The following SOX5 variants were observed in gnomAD, a reference collection of about 807,000 sequenced individuals.
SOX5 encodes SRY-box transcription factor 5.
SOX5 carries 9 observed loss-of-function variants against 92.0 expected under a neutral mutation model. That is an observed-to-expected ratio of 0.10 (90% CI 0.06 to 0.17). SOX5 has a LOEUF of 0.17. Among genes scored for constraint, SOX5 ranks in the 10% least tolerant of loss-of-function variants. The pLI is 1.00. For synonymous variants in SOX5, 344 were observed against 336.3 expected, an observed-to-expected ratio of 1.02 and a Z score of -0.25; for missense variants, 642 against 944.5, an observed-to-expected ratio of 0.68 and a Z score of 4.20.
At chr12:24,552,962 G>A (rs1233325367) in intron 1 of SOX5, among the ~76,000 whole-genome samples, 1 of 152,210 alleles carries the variant, frequency 6.6e-6, no homozygotes, top group East Asian at 1.9e-4. Context: ...AGCTCGGGCA[G>A]TTGAGGCTGC....
intron 1 of SOX5, among the ~76,000 whole-genome samples, chr12:24,451,598 A>T (rs1942316134): frequency 6.6e-6 from 1 of 152,206 alleles, no homozygotes; most frequent in Non-Finnish European, 1.5e-5. Flanking sequence ...ATGAATATCT[A>T]ATATTAACTC....
At chr12:24,131,651 G>A (rs984398682) in intron 4 of SOX5, among the ~76,000 whole-genome samples, 8 of 152,150 alleles carry the variant, frequency 5.3e-5, no homozygotes, top group African/African-American at 1.9e-4. Flanking sequence ...CAACAGAAGT[G>A]AATATCAGGT....
chr12:24,408,945 A>T (rs1473136194), intron 1 of SOX5, among the ~76,000 whole-genome samples: 2 of 152,218 alleles, frequency 1.3e-5, no homozygotes, highest in Non-Finnish European at 2.9e-5. Context: ...AGAACCGGAA[A>T]TATCATTTGA....
At chr12:23,653,108 G>T (rs568968510) in intron 7 of SOX5, among the ~76,000 whole-genome samples, 2 of 151,512 alleles carry the variant, frequency 1.3e-5, no homozygotes, top group South Asian at 4.2e-4. Context: ...TCAATCCTAG[G>T]CTTCAGACCT....
intron 2 of SOX5, among the ~76,000 whole-genome samples, chr12:23,885,729 A>T (rs1461555436): frequency 3.9e-5 from 6 of 152,158 alleles, no homozygotes; most frequent in Admixed American, 3.9e-4. Context: ...CACAAAGGAG[A>T]TATGTAACCA....
At chr12:24,498,236 A>G (rs1310911215) in intron 1 of SOX5, among the ~76,000 whole-genome samples, 1 of 152,116 alleles carries the variant, frequency 6.6e-6, no homozygotes, top group Non-Finnish European at 1.5e-5. Flanking sequence ...AATACTCAGG[A>G]CAGATTAATA....
At chr12:24,308,692 C>T (rs926079884) in intron 2 of SOX5, among the ~76,000 whole-genome samples, 14 of 152,186 alleles carry the variant, frequency 9.2e-5, no homozygotes, top group African/African-American at 3.4e-4. Context: ...CTATGGTCAC[C>T]TGCTGAAATT....
chr12:24,375,252 C>T (rs1405794707), intron 1 of SOX5, among the ~76,000 whole-genome samples: 4 of 151,902 alleles, frequency 2.6e-5, no homozygotes, highest in Admixed American at 1.3e-4. Context: ...GGATTACAGG[C>T]GTGAGCCACC....
chr12:23,798,246 C>T (rs1292472971), intron 3 of SOX5, among the ~76,000 whole-genome samples: 1 of 151,972 alleles, frequency 6.6e-6, no homozygotes, highest in Non-Finnish European at 1.5e-5. Flanking sequence ...ACCTAGAACA[C>T]TGACTTGGCA....
At chr12:24,244,601 C>T (rs1357869953) in intron 3 of SOX5, among the ~76,000 whole-genome samples, 1 of 152,232 alleles carries the variant, frequency 6.6e-6, no homozygotes, top group African/African-American at 2.4e-5. Context: ...ATTGTGCCAT[C>T]CTCCCTGGAA....
rs1437315095 is a variant in SOX5, at chr12:23,604,400, G to A, written c.1151C>T (p.Pro384Leu). 6.2e-7 allele frequency: 1 copy of A among 1,613,578 alleles called. No individual in the cohort carries two copies. The highest frequency in any genetic ancestry group is 8.5e-7 in the Non-Finnish European group (1 of 1,179,672). The change falls in exon 9 of 15, where the codon CCA becomes CTA. Residue 384 changes from proline to leucine, a missense_variant. Physicochemically the swap from Pro to Leu is moderately conservative, Grantham distance 98. This residue lies in a region of SOX5 where 324 missense variants were observed against 461.6 expected (regional missense o/e 0.70). Transcript: ENST00000451604. ...IHTDKSTNSP[P>L]PKSKDEVAQP... ...TCAAAAGGGTACCTTGCTTTTGGGT[G>A]GTGGGCTGTTTGTGCTCTTGTCTGT...
chr12:23,760,340 G>T (rs2094528737), intron 3 of SOX5, among the ~76,000 whole-genome samples: 1 of 151,982 alleles, frequency 6.6e-6, no homozygotes, highest in Non-Finnish European at 1.5e-5. Context: ...TTAATTTCAG[G>T]ATCTGTCTCT....
intron 1 of SOX5, among the ~76,000 whole-genome samples, chr12:24,552,196 TCC>T (rs777416998): frequency 1.4e-4 from 22 of 152,134 alleles, no homozygotes; most frequent in Non-Finnish European, 3.1e-4. Context: ...ATTTTAGAAC[TCC>T]TAAAACCACA....
intron 1 of SOX5, among the ~76,000 whole-genome samples, chr12:23,918,813 C>T (rs1039222613): frequency 2.0e-5 from 3 of 147,248 alleles, no homozygotes; most frequent in African/African-American, 4.9e-5. Context: ...GCTACTCAGG[C>T]GGCTGAGGCA....
chr12:24,220,365 T>C (rs946997928), intron 3 of SOX5, among the ~76,000 whole-genome samples: 18 of 151,212 alleles, frequency 1.2e-4, no homozygotes, highest in Non-Finnish European at 2.5e-4. Flanking sequence ...ATGTAACTAA[T>C]GATGCACACA....
intron 4 of SOX5, among the ~76,000 whole-genome samples, chr12:24,017,781 CT>C (rs1953823672): frequency 6.6e-6 from 1 of 152,122 alleles, no homozygotes; most frequent in South Asian, 2.1e-4. Context: ...TCACCATTTT[CT>C]TTACTTCCCT....
At chr12:24,227,855 T>C (rs1025528632) in intron 3 of SOX5, 12 of 151,360 alleles carry the variant, frequency 7.9e-5, no homozygotes, top group South Asian at 6.2e-4. Flanking sequence ...AATGAAAGCA[T>C]AGAGTTTACT....
At chr12:23,563,651 T>C (rs1300219073) in intron 10 of SOX5, among the ~76,000 whole-genome samples, 1 of 152,244 alleles carries the variant, frequency 6.6e-6, no homozygotes, top group Non-Finnish European at 1.5e-5. Context: ...ATATGGTTGT[T>C]TCCAACTATT....
chr12:24,045,693 T>G (rs1956933197), intron 4 of SOX5, among the ~76,000 whole-genome samples: 1 of 152,196 alleles, frequency 6.6e-6, no homozygotes, highest in South Asian at 2.1e-4. Context: ...ATTTGTAAAT[T>G]TCAATGTGTA....
Sources: gnomAD v4.1 joint callset for allele counts (sites outside exome capture counted in the v4.1 genomes callset) on GRCh38, gnomAD v4.1.1 for gene constraint, gnomAD v4.1.1 regional missense constraint, MANE v1.5 for transcripts, NCBI Gene and HGNC (gene_info 2026-07-23, HGNC 2026-07-21) for gene names.